Variants in SIDT1 observed in about 807,000 individuals in gnomAD.
The protein encoded by SIDT1 is SID1 transmembrane family, member 1.
In SIDT1, 101 loss-of-function variants were observed where a neutral mutation model predicts 107.5. The observed-to-expected ratio is 0.94, with a 90% confidence interval of 0.80 to 1.11. The LOEUF (loss-of-function observed/expected upper bound fraction) is 1.11. SIDT1 is among the 50% of genes least tolerant of loss of function. The pLI is 0.00. For missense variants in SIDT1, 1,076 were observed against 1,058.2 expected (o/e 1.02, Z -0.23); for synonymous variants, 395 against 398.2 (o/e 0.99, Z 0.10).
At chr3:113,555,632 G>T (rs1217411183) in intron 1 of SIDT1, among the ~76,000 whole-genome samples, 1 of 152,088 alleles carries the variant, frequency 6.6e-6, no homozygotes, top group Non-Finnish European at 1.5e-5. Flanking sequence ...CTAGTTTATT[G>T]TTGGGCATAA....
At chr3:113,607,437 G>A (rs137879095) in intron 15 of SIDT1, among the ~76,000 whole-genome samples, 7 of 152,178 alleles carry the variant, frequency 4.6e-5, no homozygotes, top group Admixed American at 2.6e-4. Flanking sequence ...AAACAACCTC[G>A]TGAGATAGAC....
At chr3:113,540,094 C>T (rs764647115) in intron 1 of SIDT1, among the ~76,000 whole-genome samples, 9 of 151,816 alleles carry the variant, frequency 5.9e-5, no homozygotes, top group Non-Finnish European at 1.2e-4. Context: ...CTTCCACTCA[C>T]GGCAGAAGGT....
intron 1 of SIDT1, among the ~76,000 whole-genome samples, chr3:113,542,103 A>G (rs1287385597): frequency 6.6e-6 from 1 of 151,340 alleles, no homozygotes; most frequent in Admixed American, 6.6e-5. Flanking sequence ...TTTGTATTTT[A>G]GTACAGACGG....
chr3:113,574,881 C>T (rs1942777212), intron 3 of SIDT1, among the ~76,000 whole-genome samples: 2 of 152,036 alleles, frequency 1.3e-5, no homozygotes, highest in South Asian at 4.2e-4. Flanking sequence ...ACTAACAATC[C>T]ATGAGCTTCA....
At chr3:113,597,244 C>T (rs1944627029) in intron 10 of SIDT1, among the ~76,000 whole-genome samples, 1 of 152,120 alleles carries the variant, frequency 6.6e-6, no homozygotes, top group Non-Finnish European at 1.5e-5. Context: ...CACCTGTAAT[C>T]CCAACACTTT....
At chr3:113,580,538 T>A in intron 4 of SIDT1, 70 bp from the exon 5 acceptor site, 2 of 898,242 alleles carry the variant, frequency 2.2e-6, no homozygotes, top group Non-Finnish European at 3.7e-6. Context: ...ATAAATTTTG[T>A]GCCTAATAGT....
intron 10 of SIDT1, among the ~76,000 whole-genome samples, chr3:113,600,312 G>T (rs1233786132): frequency 1.3e-5 from 2 of 151,812 alleles, no homozygotes; most frequent in Non-Finnish European, 2.9e-5. Context: ...CCTGTCCCAA[G>T]AAATAATAAT....
intron 3 of SIDT1, among the ~76,000 whole-genome samples, chr3:113,571,083 G>T (rs939452588): frequency 1.3e-5 from 2 of 152,142 alleles, no homozygotes; most frequent in South Asian, 4.1e-4. Flanking sequence ...AATTGTTTGT[G>T]TTTCTCTAAA....
intron 17 of SIDT1, among the ~76,000 whole-genome samples, chr3:113,610,753 T>A (rs1182754934): frequency 6.6e-6 from 1 of 152,206 alleles, no homozygotes; most frequent in Non-Finnish European, 1.5e-5. Flanking sequence ...AGGAGTTATT[T>A]ATTTATTATA....
At chr3:113,580,312 CAAACT>C (rs1337223531) in intron 4 of SIDT1, among the ~76,000 whole-genome samples, 1 of 152,146 alleles carries the variant, frequency 6.6e-6, no homozygotes, top group Non-Finnish European at 1.5e-5. Context: ...AAACAGGAAA[CAAACT>C]AAAGTATAGC....
In SIDT1 at chr3:113,559,011, T is replaced by C. The variant is rs529296350; in HGVS notation, c.223-7409T>C. On this transcript the variant is annotated intron_variant, in intron 1 of 24. Coordinates refer to ENST00000264852, the MANE Select transcript of SIDT1 (RefSeq NM_017699.3). ...AGATTTATCCATACTGATCCACATT[T>C]CAGTTCATTTACTTTTAACCACTGT... Among the ~76,000 whole-genome samples, 138 of 152,382 alleles carry C rather than the reference T, an allele frequency of 9.1e-4. 1 individual carries two copies. The Middle Eastern group carries it at 0.02, about 23-fold the overall frequency.
At chr3:113,535,160 G>T (rs1937974518) in intron 1 of SIDT1, among the ~76,000 whole-genome samples, 1 of 152,206 alleles carries the variant, frequency 6.6e-6, no homozygotes. Flanking sequence ...TGTAGTCCCA[G>T]CTACTTAGGA....
downstream of SIDT1, among the ~76,000 whole-genome samples, chr3:113,633,474 C>T (rs1412714487): frequency 1.3e-5 from 2 of 152,078 alleles, no homozygotes; most frequent in Non-Finnish European, 2.9e-5. Flanking sequence ...TCGAAGGTCA[C>T]GCTCAAGCAG....
chr3:113,580,461 G>T (rs1044561076), intron 4 of SIDT1, 147 bp from the exon 5 acceptor site: 45 of 610,800 alleles, frequency 7.4e-5, no homozygotes, highest in Middle Eastern at 4.1e-4. Context: ...CGCAGATTTA[G>T]TTTCTCAATA....
In SIDT1 at chr3:113,585,158, G is replaced by A. The variant is rs549143482; in HGVS notation, c.908-19G>A. On this transcript the variant is annotated intron_variant, in intron 8 of 24. Transcript: ENST00000264852. Reference sequence around the variant, plus strand: ...TTCTGCAGAGGATGACCTGACCAAAGTTGTTTCTCTCCCTTCAGAATCTGT... The same window carrying A: ...TTCTGCAGAGGATGACCTGACCAAAATTGTTTCTCTCCCTTCAGAATCTGT... 5.0e-5 allele frequency: 80 copies of A among 1,587,356 alleles called. No individual in the cohort carries two copies. The South Asian group carries it at 7.5e-4, about 15-fold the overall frequency.
intron 1 of SIDT1, among the ~76,000 whole-genome samples, chr3:113,559,435 A>ATTTTTT (rs57171720): frequency 7.0e-6 from 1 of 143,062 alleles, no homozygotes. Flanking sequence ...CTTTTTATTT[A>ATTTTTT]TTTTTTTTTT....
intron 10 of SIDT1, among the ~76,000 whole-genome samples, chr3:113,596,753 T>C (rs1250208700): frequency 3.3e-5 from 5 of 152,124 alleles, no homozygotes; most frequent in African/African-American, 9.7e-5. Context: ...CTGAGAAAAA[T>C]AATGAAGCCT....
At chr3:113,562,681 G>T (rs926345592) in intron 1 of SIDT1, among the ~76,000 whole-genome samples, 2 of 152,184 alleles carry the variant, frequency 1.3e-5, no homozygotes, top group Admixed American at 1.3e-4. Context: ...AATAAGGTTA[G>T]TGGTTTCCAG....
At chr3:113,596,899 T>C (rs576016946) in intron 10 of SIDT1, among the ~76,000 whole-genome samples, 2 of 152,264 alleles carry the variant, frequency 1.3e-5, no homozygotes, top group African/African-American at 4.8e-5. Context: ...GCCAACCCAA[T>C]CCTTCCCTGG....
Sources: allele counts gnomAD v4.1 joint callset (sites outside exome capture counted in the v4.1 genomes callset), GRCh38; gene constraint gnomAD v4.1.1; transcripts MANE v1.5; gene names NCBI Gene and HGNC (gene_info 2026-07-23, HGNC 2026-07-21).